MBNL1: variants seen among roughly 807,000 people sequenced by gnomAD.
The protein encoded by MBNL1 is muscleblind like splicing regulator 1, also known as muscleblind-like protein 1.
In MBNL1, 8 loss-of-function variants were observed where a neutral mutation model predicts 42.2. The observed-to-expected ratio is 0.19, with a 90% CI of 0.11 to 0.34. The LOEUF is 0.34. Ranked by LOEUF, MBNL1 falls within the 10% of genes least tolerant of loss-of-function variation. MBNL1 has a pLI of 1.00. For synonymous variants in MBNL1, 169 were observed against 173.9 expected, an observed-to-expected ratio of 0.97 and a Z score of 0.22; for missense variants, 309 against 495.3, an observed-to-expected ratio of 0.62 and a Z score of 3.57.
At position 152,446,711 on chromosome 3, in the gene MBNL1, C is replaced by T. The variant is rs766176634; in HGVS notation, c.808-909C>T. On this transcript the variant is annotated intron_variant, in intron 5 of 9. Transcript: ENST00000324210. ...CGCTGCCTGCTAATTAAGACTCAGT[C>T]GGCTGTCAAATCACTGAAGCGACCC... The T allele has an allele frequency of 6.2e-7, 1 of 1,613,718 alleles. No individual in the cohort carries two copies. The highest frequency in any genetic ancestry group is 8.5e-7 in the Non-Finnish European group (1 of 1,179,846).
At chr3:152,342,409 C>G (rs1315820303) in intron 2 of MBNL1, among the ~76,000 whole-genome samples, 1 of 152,024 alleles carries the variant, frequency 6.6e-6, no homozygotes, top group Non-Finnish European at 1.5e-5. Context: ...ACAGAGTATG[C>G]CAAGCACTTA....
intron 2 of MBNL1, among the ~76,000 whole-genome samples, chr3:152,321,898 T>C (rs531381030): frequency 6.6e-6 from 1 of 152,184 alleles, no homozygotes; most frequent in Admixed American, 6.6e-5. Context: ...TGAGGTTTTG[T>C]TGTTGTTGTT....
chr3:152,449,251 A>G (rs1258222944), intron 6 of MBNL1: 1 of 152,222 alleles, frequency 6.6e-6, no homozygotes, highest in East Asian at 1.9e-4. Flanking sequence ...CTAAAACATT[A>G]CCATGATAAA....
At chr3:152,439,304 T>G (rs2099117396) in intron 4 of MBNL1, among the ~76,000 whole-genome samples, 1 of 152,172 alleles carries the variant, frequency 6.6e-6, no homozygotes, top group African/African-American at 2.4e-5. Context: ...AGAATGACAG[T>G]GAAAAGCATG....
chr3:152,258,525 T>C (rs990383672), intron 2 of MBNL1, among the ~76,000 whole-genome samples: 2 of 151,854 alleles, frequency 1.3e-5, no homozygotes, highest in African/African-American at 4.8e-5. Context: ...CAGGGGGAGG[T>C]GGGTATGCCC....
intron 2 of MBNL1, among the ~76,000 whole-genome samples, chr3:152,305,588 A>G (rs1232078303): frequency 4.6e-5 from 7 of 152,064 alleles, no homozygotes; most frequent in Non-Finnish European, 1.0e-4. Context: ...CATGACTGCC[A>G]GTAGAAGTGG....
intron 1 of MBNL1, among the ~76,000 whole-genome samples, chr3:152,274,698 A>C (rs1282090209): frequency 1.5e-5 from 2 of 131,354 alleles, no homozygotes; most frequent in South Asian, 4.6e-4. Flanking sequence ...GAATTTTCAT[A>C]TATGTTTTAA....
intron 2 of MBNL1, chr3:152,338,364 A>C: frequency 1.0e-6 from 1 of 985,330 alleles, no homozygotes; most frequent in Non-Finnish European, 1.2e-6. Flanking sequence ...GGGTTCTGTG[A>C]TGGCTGCCTC....
intron 2 of MBNL1, among the ~76,000 whole-genome samples, chr3:152,386,465 C>T (rs772197563): frequency 6.6e-6 from 1 of 152,044 alleles, no homozygotes; most frequent in Non-Finnish European, 1.5e-5. Flanking sequence ...TGTCAGCACT[C>T]TCAAGTGGAT....
At chr3:152,272,618 T>G (rs1308763821) in intron 1 of MBNL1, among the ~76,000 whole-genome samples, 1 of 151,928 alleles carries the variant, frequency 6.6e-6, no homozygotes, top group Non-Finnish European at 1.5e-5. Flanking sequence ...CAAATGTTAA[T>G]AAAAGATTGC....
At chr3:152,399,136 C>T (rs1042129669) in intron 2 of MBNL1, among the ~76,000 whole-genome samples, 3 of 152,022 alleles carry the variant, frequency 2.0e-5, no homozygotes, top group African/African-American at 7.2e-5. Context: ...TTTGTGTTTC[C>T]ACTGTCCCAT....
chr3:152,355,023 C>T (rs1012667291), intron 2 of MBNL1, among the ~76,000 whole-genome samples: 1 of 152,122 alleles, frequency 6.6e-6, no homozygotes, highest in Admixed American at 6.5e-5. Context: ...TACTGAAAGG[C>T]AGAAATTTCT....
At chr3:152,325,106 T>C in intron 2 of MBNL1, among the ~76,000 whole-genome samples, 1 of 65,458 alleles carries the variant, frequency 1.5e-5, no homozygotes, top group Non-Finnish European at 3.1e-5. Flanking sequence ...CGCCCGCTTT[T>C]TTTTCATTTG....
At chr3:152,290,633 T>C (rs1165074244) in intron 1 of MBNL1, among the ~76,000 whole-genome samples, 1 of 152,162 alleles carries the variant, frequency 6.6e-6, no homozygotes, top group Non-Finnish European at 1.5e-5. Flanking sequence ...GTGAACATCA[T>C]ATTTTAAATG....
chr3:152,458,711 C>G (rs1264424765), intron 8 of MBNL1: 2 of 154,760 alleles, frequency 1.3e-5, no homozygotes, highest in African/African-American at 4.8e-5. Flanking sequence ...TTCTCTTGCC[C>G]ATTTAAAATA....
At chr3:152,317,531 G>A (rs1469555196) in intron 2 of MBNL1, among the ~76,000 whole-genome samples, 1 of 152,040 alleles carries the variant, frequency 6.6e-6, no homozygotes, top group African/African-American at 2.4e-5. Flanking sequence ...TGTTACCCAG[G>A]CTGGCCTTGA....
intron 2 of MBNL1, chr3:152,340,493 G>C: frequency 6.5e-7 from 1 of 1,543,518 alleles, no homozygotes; most frequent in Non-Finnish European, 8.7e-7. Flanking sequence ...TTATTTCTCA[G>C]AGTATATTAA....
chr3:152,370,933 G>T (rs1344109587), intron 2 of MBNL1, among the ~76,000 whole-genome samples: 4 of 151,916 alleles, frequency 2.6e-5, no homozygotes, highest in African/African-American at 4.8e-5. Flanking sequence ...CACACCAATG[G>T]ATCTTGACTC....
At chr3:152,421,986 T>A (rs987435455) in intron 3 of MBNL1, among the ~76,000 whole-genome samples, 17 of 150,738 alleles carry the variant, frequency 1.1e-4, no homozygotes, top group Non-Finnish European at 3.0e-5. Context: ...AATACCAAAA[T>A]GTAAACACCA....
Sources: allele counts gnomAD v4.1 joint callset (sites outside exome capture counted in the v4.1 genomes callset), GRCh38; gene constraint gnomAD v4.1.1; transcripts MANE v1.5; gene names NCBI Gene and HGNC (gene_info 2026-07-23, HGNC 2026-07-21).